CFAP299: variants seen among roughly 807,000 people sequenced by gnomAD.
CFAP299 encodes the protein cilia- and flagella-associated protein 299.
CFAP299 carries 21 observed loss-of-function variants against 27.0 expected under a neutral mutation model. The ratio of observed to expected loss-of-function variants is 0.78; its 90% CI spans 0.55 to 1.12. The LOEUF (loss-of-function observed/expected upper bound fraction) is 1.12, where lower values mean the gene tolerates loss of function less well. Among genes scored for constraint, CFAP299 ranks in the 50% most tolerant of loss-of-function variants. The pLI, the probability that CFAP299 is intolerant of heterozygous loss-of-function variation, is 0.00. For synonymous variants in CFAP299, 104 were observed against 98.1 expected (o/e 1.06, Z -0.36); for missense variants, 310 against 276.6 (o/e 1.12, Z -0.86).
chr4:80,624,358 A>G (rs1738769258), intron 3 of CFAP299, among the ~76,000 whole-genome samples: 2 of 152,088 alleles, frequency 1.3e-5, no homozygotes, highest in Admixed American at 1.3e-4. Context: ...AATAAAATGA[A>G]AAATTCAATA....
intron 2 of CFAP299, among the ~76,000 whole-genome samples, chr4:80,554,029 C>A (rs555800222): frequency 1.1e-4 from 16 of 152,168 alleles, no homozygotes; most frequent in Non-Finnish European, 2.2e-4. Context: ...GCTTGGGTTG[C>A]AATTGCTTTT....
chr4:80,820,409 C>A (rs114223604), intron 3 of CFAP299, among the ~76,000 whole-genome samples: 1,570 of 152,170 alleles, frequency 0.01, 21 homozygotes, highest in African/African-American at 0.036. Context: ...AGAATCAGAT[C>A]AGGAGTAAAG....
At chr4:80,751,521 T>C (rs2110071125) in intron 3 of CFAP299, among the ~76,000 whole-genome samples, 1 of 152,120 alleles carries the variant, frequency 6.6e-6, no homozygotes, top group Non-Finnish European at 1.5e-5. Flanking sequence ...CATAGAACCA[T>C]AGCTGGAGTG....
At chr4:80,379,288 C>G (rs1198590487) in intron 2 of CFAP299, among the ~76,000 whole-genome samples, 1 of 151,770 alleles carries the variant, frequency 6.6e-6, no homozygotes, top group Non-Finnish European at 1.5e-5. Context: ...CATTTTTTAT[C>G]TCTGATATTA....
At chr4:80,912,807 C>A (rs951570559) in intron 4 of CFAP299, among the ~76,000 whole-genome samples, 2 of 152,040 alleles carry the variant, frequency 1.3e-5, no homozygotes, top group African/African-American at 2.4e-5. Context: ...GCCAGGCTAC[C>A]CTCCTGAAAT....
chr4:80,577,697 G>A (rs1390955017), intron 2 of CFAP299, among the ~76,000 whole-genome samples: 7 of 152,088 alleles, frequency 4.6e-5, no homozygotes, highest in African/African-American at 1.2e-4. Context: ...CATCACGCCC[G>A]ACCTAGAAAA....
intron 2 of CFAP299, among the ~76,000 whole-genome samples, chr4:80,456,671 G>T (rs1307472231): frequency 6.6e-6 from 1 of 152,184 alleles, no homozygotes; most frequent in African/African-American, 2.4e-5. Flanking sequence ...GATGTAGCAA[G>T]TTTGAGATAC....
chr4:80,339,156 C>A (rs1181890845), intron 1 of CFAP299, among the ~76,000 whole-genome samples: 1 of 152,222 alleles, frequency 6.6e-6, no homozygotes, highest in African/African-American at 2.4e-5. Context: ...AGCACTCTCT[C>A]CAGGGTCTGG....
At chr4:80,917,684 A>C (rs1027288399) in intron 4 of CFAP299, among the ~76,000 whole-genome samples, 4 of 152,152 alleles carry the variant, frequency 2.6e-5, no homozygotes, top group African/African-American at 9.7e-5. Flanking sequence ...ACATTTCCCA[A>C]AGAATATGAG....
chr4:80,489,283 A>G (rs992343573), intron 2 of CFAP299, among the ~76,000 whole-genome samples: 2 of 152,164 alleles, frequency 1.3e-5, no homozygotes, highest in Non-Finnish European at 2.9e-5. Flanking sequence ...GCTGCCATTG[A>G]AATGGCTGCA....
intron 3 of CFAP299, among the ~76,000 whole-genome samples, chr4:80,611,700 ACTCTT>A (rs1737989955): frequency 6.6e-6 from 1 of 151,950 alleles, no homozygotes; most frequent in Non-Finnish European, 1.5e-5. Flanking sequence ...CACTGAGCAA[ACTCTT>A]TTGAGTTCTC....
Position 80,744,406 on chromosome 4 carries a change from G to A in CFAP299, c.334-125587G>A, listed in dbSNP as rs770782903. On this transcript the variant is annotated intron_variant, in intron 3 of 5. Transcript: ENST00000358105. ...GTGTTTTTATGACTCACAAAAAAAG[G>A]TGGGGGTGGGAGGGAGGGGAATTAT... Among the ~76,000 whole-genome samples, 444 of 150,682 alleles carry A rather than the reference G, an allele frequency of 2.9e-3. 12 individuals are homozygous for A. The highest frequency in any genetic ancestry group is 5.2e-4 in the Non-Finnish European group (35 of 67,734).
intron 2 of CFAP299, among the ~76,000 whole-genome samples, chr4:80,434,356 G>A (rs1006749079): frequency 3.3e-5 from 5 of 152,158 alleles, no homozygotes; most frequent in Non-Finnish European, 5.9e-5. Context: ...ATGGAGTAAG[G>A]ACTACATTTC....
intron 3 of CFAP299, among the ~76,000 whole-genome samples, chr4:80,621,467 C>T (rs1322448219): frequency 6.6e-6 from 1 of 151,980 alleles, no homozygotes; most frequent in African/African-American, 2.4e-5. Context: ...AATCTCTCAT[C>T]CCATTCTTTG....
intron 3 of CFAP299, among the ~76,000 whole-genome samples, chr4:80,627,997 A>G (rs1211299397): frequency 6.6e-6 from 1 of 152,170 alleles, no homozygotes; most frequent in Non-Finnish European, 1.5e-5. Context: ...TAAAATTCAT[A>G]TGGAATAACA....
intron 3 of CFAP299, among the ~76,000 whole-genome samples, chr4:80,653,606 A>G (rs1313225913): frequency 1.3e-5 from 2 of 152,132 alleles, no homozygotes; most frequent in African/African-American, 4.8e-5. Flanking sequence ...AGTAAAGTGT[A>G]TGAAAAAAAC....
At chr4:80,631,494 T>C (rs1739201414) in intron 3 of CFAP299, among the ~76,000 whole-genome samples, 1 of 152,138 alleles carries the variant, frequency 6.6e-6, no homozygotes, top group Admixed American at 6.5e-5. Flanking sequence ...CATTTCTTCC[T>C]TTTTAATAAT....
intron 3 of CFAP299, among the ~76,000 whole-genome samples, chr4:80,641,961 T>G (rs1452387677): frequency 6.6e-6 from 1 of 152,198 alleles, no homozygotes. Context: ...GTTGCATGAA[T>G]GCATGTACCT....
chr4:80,587,114 C>A (rs1240120437), intron 3 of CFAP299, among the ~76,000 whole-genome samples: 2 of 152,100 alleles, frequency 1.3e-5, no homozygotes, highest in Non-Finnish European at 2.9e-5. Context: ...TATTTTCCAA[C>A]TTTTATAAAA....
Sources: gnomAD v4.1 joint callset for allele counts (sites outside exome capture counted in the v4.1 genomes callset) on GRCh38, gnomAD v4.1.1 for gene constraint, MANE v1.5 for transcripts, NCBI Gene and HGNC (gene_info 2026-07-23, HGNC 2026-07-21) for gene names.